LRSAM1: variants seen among roughly 807,000 people sequenced by gnomAD.
LRSAM1 encodes the protein leucine rich repeat and sterile alpha motif containing 1.
Under a neutral mutation model 118.1 loss-of-function variants are expected in LRSAM1, and 96 were observed. That is an observed-to-expected ratio of 0.81 (90% confidence interval 0.69 to 0.96). LRSAM1 has a LOEUF of 0.96. Among genes scored for constraint, LRSAM1 ranks in the 40% least tolerant of loss-of-function variants. The pLI is 0.00. For missense variants in LRSAM1, 804 were observed against 915.5 expected (o/e 0.88, Z 1.57); for synonymous variants, 322 against 364.2 (o/e 0.88, Z 1.32).
chr9:127,458,209 C>T (rs868791159), intron 6 of LRSAM1, among the ~76,000 whole-genome samples: 33 of 151,880 alleles, frequency 2.2e-4, no homozygotes, highest in African/African-American at 7.5e-4. Context: ...GGTGAAACCC[C>T]GTCTCTACTA....
At position 127,454,510 on chromosome 9, in the gene LRSAM1, C is replaced by T. The variant is rs759751440; in HGVS notation, c.-18C>T. On this transcript the variant is annotated 5_prime_UTR_variant, in exon 3 of 26. Coordinates refer to ENST00000300417, the MANE Select transcript of LRSAM1 (RefSeq NM_001005373.4). Reference sequence around the variant, plus strand: ...CTGTGCCCCAGGGTCCTAAAGATCGCTCTGGGAAAAGGGAAGGATGCCGCT... The same window carrying T: ...CTGTGCCCCAGGGTCCTAAAGATCGTTCTGGGAAAAGGGAAGGATGCCGCT... 1.9e-6 allele frequency: 3 copies of T among 1,614,000 alleles called. No individual in the cohort carries two copies. Among genetic ancestry groups the T allele is most frequent in the African/African-American group, 1.3e-5 (1 of 74,908 alleles).
intron 10 of LRSAM1, among the ~76,000 whole-genome samples, chr9:127,469,913 C>T (rs562783995): frequency 1.4e-4 from 21 of 151,388 alleles, no homozygotes; most frequent in East Asian, 3.9e-4. Context: ...TGCAGTGAGC[C>T]GAGATTGCGC....
intron 14 of LRSAM1, 23 bp downstream of exon 14, chr9:127,480,001 C>T (rs1338597390): frequency 6.2e-7 from 1 of 1,614,198 alleles, no homozygotes; most frequent in Non-Finnish European, 8.5e-7. Context: ...TCCTCGGCCC[C>T]AGCCCCAGAG....
At chr9:127,459,474 C>T (rs1834654865) in intron 7 of LRSAM1, among the ~76,000 whole-genome samples, 1 of 152,148 alleles carries the variant, frequency 6.6e-6, no homozygotes, top group Admixed American at 6.5e-5. Flanking sequence ...TCACTTTGGC[C>T]TCCCAAAGTG....
intron 16 of LRSAM1, among the ~76,000 whole-genome samples, chr9:127,485,456 C>T (rs1041445422): frequency 6.6e-6 from 1 of 152,090 alleles, no homozygotes; most frequent in Non-Finnish European, 1.5e-5. Context: ...ACTCGGGAGG[C>T]TGAGGAGGAG....
intron 24 of LRSAM1, among the ~76,000 whole-genome samples, chr9:127,498,229 C>T (rs968036292): frequency 2.6e-5 from 4 of 152,252 alleles, no homozygotes; most frequent in Admixed American, 1.3e-4. Context: ...AGGATAGCTT[C>T]AGGCACCAGT....
chr9:127,497,592 C>T (rs1836201319), intron 24 of LRSAM1, among the ~76,000 whole-genome samples: 1 of 152,226 alleles, frequency 6.6e-6, no homozygotes, highest in South Asian at 2.1e-4. Flanking sequence ...CTCCCTGTCC[C>T]ATAGCCTTCC....
intron 14 of LRSAM1, among the ~76,000 whole-genome samples, chr9:127,480,397 A>G (rs891997028): frequency 2.0e-5 from 3 of 152,204 alleles, no homozygotes; most frequent in Non-Finnish European, 4.4e-5. Context: ...CGAGCTAGTA[A>G]GAGCAGATCT....
intron 9 of LRSAM1, among the ~76,000 whole-genome samples, chr9:127,464,952 A>G (rs1010573309): frequency 6.6e-6 from 1 of 151,678 alleles, no homozygotes; most frequent in Non-Finnish European, 1.5e-5. Context: ...TGGACACTTC[A>G]TTTTATTTTG....
intron 17 of LRSAM1, 56 bp from the exon 18 acceptor site, chr9:127,487,620 T>C: frequency 2.0e-6 from 3 of 1,520,824 alleles, no homozygotes; most frequent in Non-Finnish European, 1.8e-6. Flanking sequence ...GCCTGGCACA[T>C]AGTAGGTGCT....
At chr9:127,470,182 GCTATGAAGAAATTCCCAATTT>G (rs1280744212) in intron 10 of LRSAM1, among the ~76,000 whole-genome samples, 16 of 151,940 alleles carry the variant, frequency 1.1e-4, no homozygotes, top group African/African-American at 3.4e-4. Context: ...TTCTCACACC[GCTATGAAGAAATTCCCAATTT>G]CTATGAAGAA....
chr9:127,490,236 C>G (rs781097238), intron 19 of LRSAM1, among the ~76,000 whole-genome samples: 1 of 139,864 alleles, frequency 7.1e-6, no homozygotes, highest in South Asian at 2.2e-4. Flanking sequence ...TGGTTTTTTT[C>G]TTTCTCTATT....
intron 23 of LRSAM1, among the ~76,000 whole-genome samples, chr9:127,497,045 T>C (rs1836173553): frequency 6.6e-6 from 1 of 152,232 alleles, no homozygotes; most frequent in Non-Finnish European, 1.5e-5. Flanking sequence ...ACACTGATTG[T>C]TGGGCTGAGG....
chr9:127,475,304 A>C (rs1835312979), intron 11 of LRSAM1, among the ~76,000 whole-genome samples: 2 of 152,120 alleles, frequency 1.3e-5, no homozygotes, highest in Admixed American at 6.6e-5. Flanking sequence ...CAGCTTGGCC[A>C]ACGTAGTAAA....
Position 127,476,015 on chromosome 9 carries a change from C to T in LRSAM1, c.750+2084C>T, listed in dbSNP as rs139423667. ...TCGGCCTCCCAAAGTGCTGGGATTACAGGTGTGAGCCACCACACCCGCCAG... is the reference window on the plus strand; with the variant it reads ...TCGGCCTCCCAAAGTGCTGGGATTATAGGTGTGAGCCACCACACCCGCCAG... On this transcript the variant is annotated intron_variant, in intron 11 of 25. Transcript: ENST00000300417. Among the ~76,000 whole-genome samples the T allele has an allele frequency of 4.0e-3, 611 of 152,338 alleles. 10 individuals carry two copies. The highest frequency in any genetic ancestry group is 0.02 in the East Asian group (105 of 5,180).
intron 24 of LRSAM1, 106 bp from the exon 25 acceptor site, chr9:127,500,904 C>A (rs1836361277): frequency 1.3e-6 from 2 of 1,507,538 alleles, no homozygotes; most frequent in Non-Finnish European, 1.8e-6. Context: ...GGCTCCCCCA[C>A]CCTCCAGCTC....
chr9:127,455,645 G>T (rs778245782), intron 5 of LRSAM1, 25 bp downstream of exon 5: 1 of 1,612,640 alleles, frequency 6.2e-7, no homozygotes, highest in African/African-American at 1.3e-5. Context: ...CATCTTCAGA[G>T]ACTTTCTTGT....
chr9:127,463,452 G>A (rs1834824399), intron 9 of LRSAM1, among the ~76,000 whole-genome samples: 1 of 152,062 alleles, frequency 6.6e-6, no homozygotes, highest in South Asian at 2.1e-4. Flanking sequence ...CCAAGATCAA[G>A]GTGTTGGCAG....
At chr9:127,495,453 C>T (rs1836095451) in intron 22 of LRSAM1, 35 bp downstream of exon 22, 1 of 1,584,278 alleles carries the variant, frequency 6.3e-7, no homozygotes, top group African/African-American at 1.3e-5. Context: ...GGCCAGGGAG[C>T]CCTGGGGACC....
Sources: gnomAD v4.1 joint callset for allele counts (sites outside exome capture counted in the v4.1 genomes callset) on GRCh38, gnomAD v4.1.1 for gene constraint, MANE v1.5 for transcripts, NCBI Gene and HGNC (gene_info 2026-07-23, HGNC 2026-07-21) for gene names.